ZNF503: variants seen among roughly 807,000 people sequenced by gnomAD.
ZNF503 encodes zinc finger protein 503.
A neutral mutation model predicts 34.4 loss-of-function variants in ZNF503; 15 were observed. The ratio of observed to expected loss-of-function variants is 0.44; its 90% CI spans 0.29 to 0.67. ZNF503 has a LOEUF of 0.67. Ranked by LOEUF, ZNF503 falls within the 30% of genes least tolerant of loss-of-function variation. The pLI, the probability that ZNF503 is intolerant of heterozygous loss-of-function variation, is 0.13. For missense variants in ZNF503, 1,007 were observed against 926.8 expected, an observed-to-expected ratio of 1.09 and a Z score of -1.12; for synonymous variants, 580 against 456.8, an observed-to-expected ratio of 1.27 and a Z score of -3.44.
chr10:75,380,529 G>A, the ZNF503 span, among the ~76,000 whole-genome samples: 2 of 152,176 alleles, frequency 1.3e-5, no homozygotes, highest in African/African-American at 4.8e-5. Flanking sequence ...CAGAATTAAA[G>A]CCCATAACCC....
chr10:75,377,101 C>T, the ZNF503 span, among the ~76,000 whole-genome samples: 5 of 152,310 alleles, frequency 3.3e-5, no homozygotes, highest in African/African-American at 9.6e-5. Flanking sequence ...GAATAAGAGA[C>T]TCTGGGGGTG....
the ZNF503 span, among the ~76,000 whole-genome samples, chr10:75,320,378 G>A: frequency 6.6e-6 from 1 of 152,304 alleles, no homozygotes. Context: ...CTACTCAGGA[G>A]GCTGAGACAG....
rs775727472 is a variant in ZNF503 at position 75,401,500 on chromosome 10, G to A, written c.-81C>T. 15 of 1,456,108 alleles carry A rather than the reference G, an allele frequency of 1.0e-5. No individual in the cohort carries two copies. In the South Asian group the frequency reaches 1.9e-4, roughly 19 times the overall value. The allele number at this position is 1,456,108 out of a possible 1,614,324, so 90.2% of individuals were successfully genotyped here. On this transcript the variant is annotated 5_prime_UTR_variant, in exon 1 of 2. Coordinates refer to ENST00000372524, the MANE Select transcript of ZNF503 (RefSeq NM_032772.6). ...GGGCTCGGGGCTGCGCGCTCGCCCC[G>A]GGAGCAGGAGCAGCGGGAGGAGGAG... is the stretch of plus-strand genomic sequence containing the variant.
At position 75,401,348 on chromosome 10, in the gene ZNF503, T is replaced by TCCGCCGCCG; in HGVS notation, c.71_72insCGGCGGCGG (p.Gly25_Gly27dup). On this transcript the variant is annotated inframe_insertion, in exon 1 of 2. Coordinates refer to ENST00000372524, the MANE Select transcript of ZNF503 (RefSeq NM_032772.6). ...TCCAGGCAGGGTCTGCACCGCCGCC[T>TCCGCCGCCG]CCGCCTCCGCCGCCGCCGCCGCCGC... 2.0e-6 allele frequency: 3 copies of TCCGCCGCCG among 1,491,002 alleles called. No individual in the cohort carries two copies. Among genetic ancestry groups the TCCGCCGCCG allele is most frequent in the African/African-American group, 5.0e-5 (2 of 39,914 alleles). 92.4% of individuals were successfully genotyped at this position (1,491,002 alleles called of 1,614,324 possible). A position where few individuals can be genotyped will look rare whatever the true frequency, so the allele number is the denominator to read the frequency against.
rs1165318219 is a variant in ZNF503 at position 75,400,057 on chromosome 10, T to C, written c.633A>G (p.Gly211=). The change falls in exon 2 of 2, where the codon GGA becomes GGG. Residue 211 remains glycine, a synonymous_variant. Transcript: ENST00000372524. ...GGCAGGTGGCGCTCGGTACCCGGAA[T>C]CCCGACTTCTCCGACGAAACACCCC... ...GGGGVSSEKS[G]FRVPSATCQP... is the part of the protein sequence containing the mutation. The C allele has an allele frequency of 1.3e-6, 2 of 1,581,336 alleles. No homozygotes were observed. Among genetic ancestry groups the C allele is most frequent in the South Asian group, 2.3e-5 (2 of 87,298 alleles).
At chr10:75,313,594 T>A in the ZNF503 span, among the ~76,000 whole-genome samples, 1 of 152,246 alleles carries the variant, frequency 6.6e-6, no homozygotes, top group Non-Finnish European at 1.5e-5. Flanking sequence ...CTAAACACTA[T>A]GGACCTTGTC....
chr10:75,341,648 A>C, the ZNF503 span, among the ~76,000 whole-genome samples: 1 of 152,212 alleles, frequency 6.6e-6, no homozygotes, highest in Non-Finnish European at 1.5e-5. Context: ...AAATATTTAT[A>C]AGCGAACACC....
the ZNF503 span, among the ~76,000 whole-genome samples, chr10:75,339,861 G>A: frequency 6.6e-6 from 1 of 152,184 alleles, no homozygotes; most frequent in African/African-American, 2.4e-5. Context: ...GGTTCAGAAT[G>A]TTTTTCTGGG....
the ZNF503 span, among the ~76,000 whole-genome samples, chr10:75,354,865 A>C: frequency 4.9e-4 from 75 of 151,648 alleles, no homozygotes; most frequent in African/African-American, 1.8e-3. Flanking sequence ...TGTTTTTTTG[A>C]GATGGAGTCT....
the ZNF503 span, among the ~76,000 whole-genome samples, chr10:75,345,201 G>A: frequency 6.6e-6 from 1 of 152,206 alleles, no homozygotes; most frequent in Non-Finnish European, 1.5e-5. Flanking sequence ...GCTGGTCACA[G>A]AGGTTGGGAT....
At chr10:75,288,972 C>A in the ZNF503 span, among the ~76,000 whole-genome samples, 3 of 152,086 alleles carry the variant, frequency 2.0e-5, no homozygotes, top group African/African-American at 7.2e-5. Flanking sequence ...CTTCCATGGA[C>A]CTCTCTGAAC....
chr10:75,333,267 C>A, the ZNF503 span, among the ~76,000 whole-genome samples: 3 of 91,872 alleles, frequency 3.3e-5, no homozygotes, highest in Admixed American at 1.9e-4. Context: ...GACGGGGCGG[C>A]TGGCCGGGCG....
chr10:75,381,493 G>A, the ZNF503 span, among the ~76,000 whole-genome samples: 147,072 of 152,302 alleles, frequency 0.97, 71,139 homozygotes, highest in African/African-American at 0.99. Flanking sequence ...AAAGTTCTGG[G>A]ATTACAGGCA....
the ZNF503 span, among the ~76,000 whole-genome samples, chr10:75,375,563 C>G: frequency 2.8e-3 from 427 of 152,288 alleles, 5 homozygotes; most frequent in African/African-American, 9.2e-3. Context: ...GTCCCCTAGG[C>G]TGGAGTGCAG....
the ZNF503 span, among the ~76,000 whole-genome samples, chr10:75,300,707 T>TTTC: frequency 1.4e-5 from 2 of 137,944 alleles, no homozygotes; most frequent in Non-Finnish European, 1.6e-5. Context: ...TTTCTTTCTT[T>TTTC]TTTTTTTTTT....
the ZNF503 span, among the ~76,000 whole-genome samples, chr10:75,381,668 T>C: frequency 6.6e-6 from 1 of 152,152 alleles, no homozygotes; most frequent in South Asian, 2.1e-4. Flanking sequence ...TTTGAGTCTC[T>C]GATAACTTCA....
the ZNF503 span, among the ~76,000 whole-genome samples, chr10:75,355,491 G>A: frequency 6.6e-6 from 1 of 152,210 alleles, no homozygotes; most frequent in Non-Finnish European, 1.5e-5. Flanking sequence ...TGCTGCCCCA[G>A]AACAAGGCTA....
the ZNF503 span, among the ~76,000 whole-genome samples, chr10:75,368,863 C>T: frequency 6.6e-6 from 1 of 152,226 alleles, no homozygotes; most frequent in South Asian, 2.1e-4. Flanking sequence ...AATTATTCTC[C>T]ATACAAAGTG....
chr10:75,382,555 T>C, the ZNF503 span: 1 of 504,568 alleles, frequency 2.0e-6, no homozygotes, highest in Non-Finnish European at 3.7e-6. Context: ...CTGGTGTCTC[T>C]TTCTCCTTCC....
Sources: gnomAD v4.1 joint callset for allele counts (sites outside exome capture counted in the v4.1 genomes callset) on GRCh38, gnomAD v4.1.1 for gene constraint, MANE v1.5 for transcripts, NCBI Gene and HGNC (gene_info 2026-07-23, HGNC 2026-07-21) for gene names.